Variants in PCDHGA2 observed in about 807,000 individuals in gnomAD.
PCDHGA2 encodes the protein protocadherin gamma-A2.
Under a neutral mutation model 59.2 loss-of-function variants are expected in PCDHGA2, and 40 were observed. That is an observed-to-expected ratio of 0.68 (90% CI 0.52 to 0.88). The LOEUF (loss-of-function observed/expected upper bound fraction) is 0.88. PCDHGA2 is among the 40% of genes least tolerant of loss of function. The pLI is 0.00. For missense variants in PCDHGA2, 1,226 were observed against 1,204.0 expected (o/e 1.02, Z -0.27); for synonymous variants, 560 against 526.0 (o/e 1.06, Z -0.89).
At chr5:141,358,180 C>A (rs769870825) in intron 1 of PCDHGA2, among the ~76,000 whole-genome samples, 15 of 152,104 alleles carry the variant, frequency 9.9e-5, no homozygotes, top group Non-Finnish European at 1.9e-4. Context: ...ACAGAGCAAG[C>A]CTCTGTCTCC....
At position 141,427,298 on chromosome 5, in the gene PCDHGA2, G is replaced by A. The variant is rs960474831; in HGVS notation, c.2425-67509G>A. The A allele has an allele frequency of 8.8e-6, 4 of 456,870 alleles. No individual in the cohort carries two copies. The Admixed American group carries it at 9.4e-5, about 11-fold the overall frequency. 28.3% of individuals were successfully genotyped at this position (456,870 alleles called of 1,614,324 possible). A position where few individuals can be genotyped will look rare whatever the true frequency, so the allele number is the denominator to read the frequency against. On this transcript the variant is annotated intron_variant, in intron 1 of 3. Coordinates refer to ENST00000394576, the MANE Select transcript of PCDHGA2 (RefSeq NM_018915.4). ...AAATTATACTAGAAATCCTAGATGA[G>A]AATGACAATGCCCCAGACGTGGTTT...
chr5:141,364,948 T>C, intron 1 of PCDHGA2: 1 of 1,613,922 alleles, frequency 6.2e-7, no homozygotes, highest in Admixed American at 1.7e-5. Flanking sequence ...AGAAAGAGAC[T>C]GTTCACGACC....
In PCDHGA2 at chr5:141,438,615, TATATATATATATATATATATACACAC is replaced by T. The variant is rs1337184558; in HGVS notation, c.2425-56190_2425-56165del. ...ACATATATATATATATATATATATATATATATATATATATATATATACACACACACACACACATATATGTATATATA... is the reference window on the plus strand; with the variant it reads ...ACATATATATATATATATATATATATACACACACACATATATGTATATATA... On this transcript the variant is annotated intron_variant, in intron 1 of 3. Coordinates refer to ENST00000394576, the MANE Select transcript of PCDHGA2 (RefSeq NM_018915.4). 3.6e-3 allele frequency among the ~76,000 whole-genome samples: 130 copies of T among 35,912 alleles called. 2 individuals are homozygous for T. Among genetic ancestry groups the T allele is most frequent in the African/African-American group, 0.022 (107 of 4,918 alleles). The allele number at this position is 35,912 out of a possible 152,430, so 23.6% of individuals were successfully genotyped here.
chr5:141,346,164 C>T lies in PCDHGA2; in HGVS notation c.2424+4769C>T, dbSNP rs559748753. Reference sequence around the variant, plus strand: ...CGTCTTCCTGGCCTTCGTCATCGTGCTGCTGGCGCTCAGGCTGCGGCGCTG... The same window carrying T: ...CGTCTTCCTGGCCTTCGTCATCGTGTTGCTGGCGCTCAGGCTGCGGCGCTG... On this transcript the variant is annotated intron_variant, in intron 1 of 3. Transcript: ENST00000394576. 3.5e-5 allele frequency: 57 copies of T among 1,614,032 alleles called. 1 individual carries two copies. The highest frequency in any genetic ancestry group is 6.7e-5 in the East Asian group (3 of 44,868).
intron 2 of PCDHGA2, among the ~76,000 whole-genome samples, chr5:141,500,806 T>C (rs2099802700): frequency 6.6e-6 from 1 of 152,240 alleles, no homozygotes; most frequent in Non-Finnish European, 1.5e-5. Context: ...AGTCCTCATA[T>C]GAATATACAT....
At chr5:141,356,126 A>G in intron 1 of PCDHGA2, 1 of 1,613,926 alleles carries the variant, frequency 6.2e-7, no homozygotes, top group Non-Finnish European at 8.5e-7. Flanking sequence ...GGTCTAGATT[A>G]TGAGGACTCT....
intron 1 of PCDHGA2, chr5:141,414,893 C>T: frequency 6.2e-7 from 1 of 1,614,248 alleles, no homozygotes; most frequent in Non-Finnish European, 8.5e-7. Context: ...GCCCTCCCCA[C>T]AGACGGTTCC....
At chr5:141,404,382 A>T in intron 1 of PCDHGA2, 2 of 1,613,978 alleles carry the variant, frequency 1.2e-6, no homozygotes, top group Non-Finnish European at 1.7e-6. Context: ...GTGATTGCCT[A>T]TGACCCTGAT....
At chr5:141,438,635 T>TAC (rs56854727) in intron 1 of PCDHGA2, among the ~76,000 whole-genome samples, 5 of 33,422 alleles carry the variant, frequency 1.5e-4, no homozygotes, top group Admixed American at 8.3e-4. Flanking sequence ...TATATATATA[T>TAC]ACACACACAC....
At chr5:141,417,637 A>ATCCCTCAGCCTCTAGCCTGGGAT (rs2096141530) in intron 1 of PCDHGA2, 1 of 724,654 alleles carries the variant, frequency 1.4e-6, no homozygotes, top group Admixed American at 3.5e-5. Flanking sequence ...GACGCCGGGG[A>ATCCCTCAGCCTCTAGCCTGGGAT]TCCCTCAGCC....
intron 1 of PCDHGA2, among the ~76,000 whole-genome samples, chr5:141,473,313 T>C (rs1173941642): frequency 2.7e-4 from 41 of 152,246 alleles, no homozygotes; most frequent in Non-Finnish European, 5.9e-5. Context: ...GCTATATTAA[T>C]AAGCATTAAG....
At position 141,339,272 on chromosome 5, in the gene PCDHGA2, C is replaced by T; in HGVS notation, c.301C>T (p.Pro101Ser). Reference protein sequence around the residue: ...DREELCAQSAPCLLNFNILLE... With the variant: ...DREELCAQSASCLLNFNILLE... Reference sequence around the variant, plus strand: ...GGAGGAGCTCTGCGCTCAGAGCGCACCCTGTCTGTTGAATTTTAACATTCT... The same window carrying T: ...GGAGGAGCTCTGCGCTCAGAGCGCATCCTGTCTGTTGAATTTTAACATTCT... Residue 101 changes from proline to serine, a missense_variant, in exon 1 of 4, where the codon CCC becomes TCC. By Grantham distance (74) the Pro-to-Ser change is moderately conservative. Coordinates refer to ENST00000394576, the MANE Select transcript of PCDHGA2 (RefSeq NM_018915.4). 6.2e-7 allele frequency: 1 copy of T among 1,614,226 alleles called. No homozygotes were observed. Among genetic ancestry groups the T allele is most frequent in the Non-Finnish European group, 8.5e-7 (1 of 1,180,034 alleles).
At chr5:141,351,814 C>T (rs368055501) in intron 1 of PCDHGA2, 8 of 1,613,124 alleles carry the variant, frequency 5.0e-6, no homozygotes, top group Admixed American at 1.7e-5. Context: ...CCTTCGACCA[C>T]GAGCAGCTGC....
At chr5:141,350,506 AGTGAACG>A in intron 1 of PCDHGA2, 2 of 1,614,058 alleles carry the variant, frequency 1.2e-6, no homozygotes, top group Non-Finnish European at 1.7e-6. Context: ...GGGATTTGTT[AGTGAACG>A]GTAGGATAGA....
chr5:141,355,591 C>T (rs1759908774), intron 1 of PCDHGA2: 1 of 1,613,974 alleles, frequency 6.2e-7, no homozygotes, highest in East Asian at 2.2e-5. Context: ...TGATAACCCA[C>T]CCAGTTTTGG....
At chr5:141,502,961 A>G (rs886622146) in intron 2 of PCDHGA2, among the ~76,000 whole-genome samples, 3 of 146,786 alleles carry the variant, frequency 2.0e-5, no homozygotes, top group Non-Finnish European at 4.4e-5. Context: ...CTCCTGCCTC[A>G]GCCTCCCAAG....
At chr5:141,506,053 T>C (rs1486313858) in intron 3 of PCDHGA2, among the ~76,000 whole-genome samples, 1 of 152,126 alleles carries the variant, frequency 6.6e-6, no homozygotes, top group Non-Finnish European at 1.5e-5. Context: ...TCCCATAAGG[T>C]TGACTAAGGG....
chr5:141,491,311 A>G lies in PCDHGA2; in HGVS notation c.2425-3496A>G. On this transcript the variant is annotated intron_variant, in intron 1 of 3. Transcript: ENST00000394576. This position sits in a 1 kb window ranked among gnomAD's most constrained non-coding sequence, Gnocchi z 6.9. The stretch of plus-strand genomic sequence containing the variant: ...ACACCCTCCTGAGCGTTCAGACCTT[A>G]CCCTTTACCTCATTGTGGCTCTAGC... 1 of 1,613,932 alleles carries G rather than the reference A, an allele frequency of 6.2e-7. No homozygotes were observed. Among genetic ancestry groups the G allele is most frequent in the Non-Finnish European group, 8.5e-7 (1 of 1,179,940 alleles).
intron 1 of PCDHGA2, chr5:141,378,193 TA>T (rs376966694): frequency 7.2e-5 from 11 of 152,366 alleles, no homozygotes; most frequent in Middle Eastern, 3.4e-3. Context: ...GTGTGCCTAC[TA>T]CAGTGTCTTT....
Sources: gnomAD v4.1 joint callset for allele counts (sites outside exome capture counted in the v4.1 genomes callset) on GRCh38, gnomAD v4.1.1 for gene constraint, Gnocchi (gnomAD v3.1) non-coding constraint, MANE v1.5 for transcripts, NCBI Gene and HGNC (gene_info 2026-07-23, HGNC 2026-07-21) for gene names.